GPC5: variants seen among roughly 807,000 people sequenced by gnomAD.
GPC5 encodes glypican 5.
Under a neutral mutation model 53.9 loss-of-function variants are expected in GPC5, and 47 were observed. That is an observed-to-expected ratio of 0.87 (90% CI 0.69 to 1.11). The LOEUF (loss-of-function observed/expected upper bound fraction) is 1.11, where lower values mean the gene tolerates loss of function less well. Among genes scored for constraint, GPC5 ranks in the 50% most tolerant of loss-of-function variants. GPC5 has a pLI of 0.00. For synonymous variants in GPC5, 286 were observed against 263.3 expected (o/e 1.09, Z -0.84); for missense variants, 748 against 713.1 (o/e 1.05, Z -0.56).
At chr13:92,734,013 C>A (rs1263428676) in intron 7 of GPC5, among the ~76,000 whole-genome samples, 1 of 151,732 alleles carries the variant, frequency 6.6e-6, no homozygotes, top group Non-Finnish European at 1.5e-5. Flanking sequence ...GCTGAGGCAG[C>A]AGGGGAAATC....
intron 7 of GPC5, among the ~76,000 whole-genome samples, chr13:92,169,718 CAGAGA>C (rs1419632497): frequency 7.9e-5 from 12 of 151,720 alleles, no homozygotes; most frequent in African/African-American, 2.2e-4. Flanking sequence ...ATAAAAAAGA[CAGAGA>C]AGAGTCATCT....
chr13:91,478,021 T>A (rs1469947746), intron 2 of GPC5, among the ~76,000 whole-genome samples: 4 of 152,080 alleles, frequency 2.6e-5, no homozygotes, highest in African/African-American at 9.7e-5. Context: ...CCTGAGAAAC[T>A]ATTCTTGGAG....
At chr13:92,612,268 C>A (rs1884463568) in intron 7 of GPC5, among the ~76,000 whole-genome samples, 1 of 152,086 alleles carries the variant, frequency 6.6e-6, no homozygotes, top group African/African-American at 2.4e-5. Flanking sequence ...AATCAAAGCA[C>A]ATCACGAATT....
At chr13:92,612,592 T>A (rs1884474149) in intron 7 of GPC5, among the ~76,000 whole-genome samples, 2 of 152,124 alleles carry the variant, frequency 1.3e-5, no homozygotes, top group South Asian at 4.1e-4. Flanking sequence ...AACTTTTGCA[T>A]CAAAGACAAA....
chr13:92,714,454 T>C (rs1888257742), intron 7 of GPC5, among the ~76,000 whole-genome samples: 1 of 152,186 alleles, frequency 6.6e-6, no homozygotes. Flanking sequence ...TTCTGTTTTG[T>C]TTCATTAGTT....
At chr13:92,591,853 G>C (rs1156775511) in intron 7 of GPC5, among the ~76,000 whole-genome samples, 1 of 152,148 alleles carries the variant, frequency 6.6e-6, no homozygotes, top group Non-Finnish European at 1.5e-5. Context: ...CTTAGGCAGT[G>C]ATAGTGCAGC....
intron 7 of GPC5, among the ~76,000 whole-genome samples, chr13:92,561,653 A>C (rs1227842714): frequency 6.6e-6 from 1 of 152,084 alleles, no homozygotes; most frequent in African/African-American, 2.4e-5. Flanking sequence ...TGTTATCATT[A>C]GTACCAACCA....
intron 4 of GPC5, among the ~76,000 whole-genome samples, chr13:91,729,312 T>A (rs1377084293): frequency 3.3e-5 from 5 of 152,140 alleles, no homozygotes; most frequent in African/African-American, 1.2e-4. Flanking sequence ...TGCTTGATAA[T>A]GGATGCTTAA....
intron 2 of GPC5, among the ~76,000 whole-genome samples, chr13:91,570,176 C>A (rs559191584): frequency 6.6e-6 from 1 of 151,992 alleles, no homozygotes; most frequent in Non-Finnish European, 1.5e-5. Context: ...ATGTCCATCC[C>A]GACAAATAGA....
chr13:92,186,261 G>A (rs2042183100), intron 7 of GPC5, among the ~76,000 whole-genome samples: 1 of 151,634 alleles, frequency 6.6e-6, no homozygotes. Flanking sequence ...CTTAATATAG[G>A]TTTTCATCTT....
Position 92,388,089 on chromosome 13 carries a change from TTTC to T in GPC5, c.1561+243103_1561+243105del, listed in dbSNP as rs555022280. Among the ~76,000 whole-genome samples, 21 of 152,222 alleles carry T rather than the reference TTTC, an allele frequency of 1.4e-4. No homozygotes were observed. The South Asian group carries it at 2.1e-3, about 15-fold the overall frequency. ...TACTTTTCCTCTTAAAGTATATCCT[TTTC>T]TTAAGTTAGAATTTAAATTATAGCT... On this transcript the variant is annotated intron_variant, in intron 7 of 7. Coordinates refer to ENST00000377067, the MANE Select transcript of GPC5 (RefSeq NM_004466.6).
At chr13:92,738,998 T>C (rs1473873941) in intron 7 of GPC5, among the ~76,000 whole-genome samples, 4 of 152,122 alleles carry the variant, frequency 2.6e-5, no homozygotes, top group Non-Finnish European at 4.4e-5. Context: ...CTTGTCATAA[T>C]AGCTATGAAT....
chr13:92,653,862 C>T (rs868265136), intron 7 of GPC5, among the ~76,000 whole-genome samples: 2 of 152,238 alleles, frequency 1.3e-5, no homozygotes, highest in Middle Eastern at 6.8e-3. Context: ...TCAAAGCAAC[C>T]AGAGTGAAGT....
chr13:91,495,947 C>T lies in GPC5; in HGVS notation c.325+47025C>T, dbSNP rs573152918. The stretch of plus-strand genomic sequence containing the variant: ...CTGAGGCAGGAGAATTGCTTGAACT[C>T]GGGAGGCAGAGGTTGCAGTGAGCCG... On this transcript the variant is annotated intron_variant, in intron 2 of 7. Coordinates refer to ENST00000377067, the MANE Select transcript of GPC5 (RefSeq NM_004466.6). 4.6e-5 allele frequency among the ~76,000 whole-genome samples: 7 copies of T among 151,978 alleles called. No individual in the cohort carries two copies. The South Asian group carries it at 1.0e-3, about 23-fold the overall frequency.
chr13:91,944,651 A>G (rs1026724819), intron 6 of GPC5, among the ~76,000 whole-genome samples: 4 of 152,320 alleles, frequency 2.6e-5, no homozygotes, highest in African/African-American at 7.2e-5. Context: ...AAATCTATAT[A>G]AATCTATATA....
chr13:92,755,626 A>C (rs1448552160), intron 7 of GPC5, among the ~76,000 whole-genome samples: 3 of 145,242 alleles, frequency 2.1e-5, no homozygotes, highest in Non-Finnish European at 4.5e-5. Flanking sequence ...AAATAGACAC[A>C]ATAAAAAATG....
At chr13:92,743,681 C>T (rs1203735068) in intron 7 of GPC5, among the ~76,000 whole-genome samples, 1 of 152,112 alleles carries the variant, frequency 6.6e-6, no homozygotes, top group Non-Finnish European at 1.5e-5. Flanking sequence ...AAAGAGAATG[C>T]TTCCAGTTTT....
chr13:91,820,206 G>A (rs1331193987), intron 5 of GPC5, among the ~76,000 whole-genome samples: 1 of 151,952 alleles, frequency 6.6e-6, no homozygotes, highest in African/African-American at 2.4e-5. Context: ...TTTTCGTGGT[G>A]TCTGTGATGC....
intron 7 of GPC5, among the ~76,000 whole-genome samples, chr13:92,749,511 T>C (rs1159338613): frequency 6.6e-6 from 1 of 152,144 alleles, no homozygotes; most frequent in Non-Finnish European, 1.5e-5. Context: ...TCTGTTTGAT[T>C]TTTTGATGGA....
Sources: allele counts gnomAD v4.1 joint callset (sites outside exome capture counted in the v4.1 genomes callset), GRCh38; gene constraint gnomAD v4.1.1; transcripts MANE v1.5; gene names NCBI Gene and HGNC (gene_info 2026-07-23, HGNC 2026-07-21).